The following RGS6 variants were observed in gnomAD, a reference collection of about 807,000 sequenced individuals.
RGS6 encodes the protein regulator of G-protein signaling 6.
A neutral mutation model predicts 78.5 loss-of-function variants in RGS6; 30 were observed. The ratio of observed to expected loss-of-function variants is 0.38; its 90% confidence interval spans 0.29 to 0.52. The LOEUF (loss-of-function observed/expected upper bound fraction) is 0.52, where lower values mean the gene tolerates loss of function less well. RGS6 is among the 20% of genes least tolerant of loss of function. RGS6 has a pLI of 0.85. For missense variants in RGS6, 495 were observed against 609.7 expected, an observed-to-expected ratio of 0.81 and a Z score of 1.98; for synonymous variants, 206 against 206.0, an observed-to-expected ratio of 1.00 and a Z score of 0.00.
chr14:72,496,955 C>G (rs191265124), intron 13 of RGS6, among the ~76,000 whole-genome samples: 125 of 152,246 alleles, frequency 8.2e-4, no homozygotes, highest in African/African-American at 2.8e-3. Context: ...TAGCTACATA[C>G]TATCCCCTGG....
chr14:72,241,793 G>A (rs964331570), intron 2 of RGS6, among the ~76,000 whole-genome samples: 4 of 152,176 alleles, frequency 2.6e-5, no homozygotes, highest in African/African-American at 9.7e-5. Context: ...CATGAACATT[G>A]TTCAAGTTCT....
At position 72,286,623 on chromosome 14, in the gene RGS6, T is replaced by C. The variant is rs1332971500; in HGVS notation, c.85-65472T>C. 2.6e-5 allele frequency among the ~76,000 whole-genome samples: 4 copies of C among 152,216 alleles called. No homozygotes were observed. The East Asian group carries it at 7.7e-4, about 29-fold the overall frequency. Reference sequence around the variant, plus strand: ...GGTAGTATAGATATTTTAGCAATATTGTCTTCTAGTCCACAAACACAGGGT... The same window carrying C: ...GGTAGTATAGATATTTTAGCAATATCGTCTTCTAGTCCACAAACACAGGGT... On this transcript the variant is annotated intron_variant, in intron 2 of 17. Transcript: ENST00000553525.
At chr14:72,231,440 C>T (rs897991339) in intron 2 of RGS6, among the ~76,000 whole-genome samples, 2 of 152,042 alleles carry the variant, frequency 1.3e-5, no homozygotes, top group Non-Finnish European at 2.9e-5. Flanking sequence ...TGATTATGAG[C>T]CAGGAACTGT....
At chr14:72,390,627 T>A (rs1180776688) in intron 3 of RGS6, among the ~76,000 whole-genome samples, 1 of 152,216 alleles carries the variant, frequency 6.6e-6, no homozygotes, top group East Asian at 1.9e-4. Flanking sequence ...AAAATATTTA[T>A]GTGGGAAATG....
chr14:72,007,622 C>G (rs2084824569), intron 2 of RGS6, among the ~76,000 whole-genome samples: 1 of 152,010 alleles, frequency 6.6e-6, no homozygotes, highest in South Asian at 2.1e-4. Flanking sequence ...TATGTGCGGA[C>G]CAAGACAGTT....
In RGS6 at chr14:72,509,907, T is replaced by C. The variant is rs17180712; in HGVS notation, c.966-247T>C. On this transcript the variant is annotated intron_variant, in intron 13 of 17. Transcript: ENST00000553525. ...TCAATGGCATGGTAGACAGCAGCCA[T>C]TTGAAGGGCATGCCGGCAACCATCA... Among the ~76,000 whole-genome samples, 14,062 of 152,208 alleles carry C rather than the reference T, an allele frequency of 0.092. 788 individuals are homozygous for C. Among genetic ancestry groups the C allele is most frequent in the South Asian group, 0.16 (789 of 4,810 alleles).
intron 2 of RGS6, among the ~76,000 whole-genome samples, chr14:72,102,311 C>G (rs1273110427): frequency 6.6e-6 from 1 of 152,082 alleles, no homozygotes; most frequent in East Asian, 1.9e-4. Flanking sequence ...TACCAAAATA[C>G]ATTTACATAA....
chr14:72,470,893 A>G (rs1185432428), intron 8 of RGS6, among the ~76,000 whole-genome samples: 4 of 151,666 alleles, frequency 2.6e-5, no homozygotes, highest in Admixed American at 6.6e-5. Flanking sequence ...AAAAAAAAAA[A>G]AAAACAAGAT....
At chr14:72,134,587 T>C (rs2096398773) in intron 2 of RGS6, among the ~76,000 whole-genome samples, 1 of 152,182 alleles carries the variant, frequency 6.6e-6, no homozygotes, top group African/African-American at 2.4e-5. Flanking sequence ...ACAGAGCTAA[T>C]AGGAGAGAGA....
chr14:72,276,584 G>A (rs1465164325), intron 2 of RGS6, among the ~76,000 whole-genome samples: 1 of 152,152 alleles, frequency 6.6e-6, no homozygotes, highest in Non-Finnish European at 1.5e-5. Flanking sequence ...GGAGGGACCT[G>A]GTGGGAGATA....
At chr14:72,058,137 T>C (rs1321332092) in intron 2 of RGS6, among the ~76,000 whole-genome samples, 1 of 152,058 alleles carries the variant, frequency 6.6e-6, no homozygotes, top group African/African-American at 2.4e-5. Context: ...GGCATTGGCT[T>C]GCAGAAGGTG....
At chr14:71,878,485 G>T in the RGS6 span, among the ~76,000 whole-genome samples, 91 of 152,344 alleles carry the variant, frequency 6.0e-4, no homozygotes, top group South Asian at 2.9e-3. Flanking sequence ...CTCCAAGCCA[G>T]GCACGGGATA....
At chr14:72,161,181 A>G (rs1050740542) in intron 2 of RGS6, among the ~76,000 whole-genome samples, 1 of 152,208 alleles carries the variant, frequency 6.6e-6, no homozygotes, top group African/African-American at 2.4e-5. Flanking sequence ...CATAAGTTGA[A>G]CAATGAGAAC....
the RGS6 span, among the ~76,000 whole-genome samples, chr14:72,584,954 G>C: frequency 6.6e-6 from 1 of 152,274 alleles, no homozygotes; most frequent in Admixed American, 6.5e-5. Context: ...AGCAGGGCTA[G>C]AGGCCATAAT....
At chr14:72,069,880 A>G (rs1016777945) in intron 2 of RGS6, among the ~76,000 whole-genome samples, 38 of 152,286 alleles carry the variant, frequency 2.5e-4, no homozygotes, top group African/African-American at 8.4e-4. Flanking sequence ...GTGTTTATCT[A>G]CATTTATTCA....
At chr14:72,543,764 G>A (rs1218698804) in intron 17 of RGS6, among the ~76,000 whole-genome samples, 2 of 152,242 alleles carry the variant, frequency 1.3e-5, no homozygotes, top group African/African-American at 2.4e-5. Context: ...TCTTGAGACA[G>A]AGTCTCACTC....
chr14:72,225,810 C>G (rs560987996), intron 2 of RGS6, among the ~76,000 whole-genome samples: 1 of 152,300 alleles, frequency 6.6e-6, no homozygotes, highest in African/African-American at 2.4e-5. Context: ...TCTTAAATAT[C>G]TATTTCAATA....
intron 2 of RGS6, among the ~76,000 whole-genome samples, chr14:72,316,708 G>A (rs923756808): frequency 3.9e-5 from 6 of 152,196 alleles, no homozygotes; most frequent in African/African-American, 1.4e-4. Flanking sequence ...TAGGCTGCCT[G>A]CCATTGCATT....
chr14:71,995,509 C>T (rs72735954), intron 2 of RGS6, among the ~76,000 whole-genome samples: 161 of 152,296 alleles, frequency 1.1e-3, no homozygotes, highest in Non-Finnish European at 2.0e-3. Flanking sequence ...CCTGCTGTGT[C>T]GCTTACTGGC....
Sources: gnomAD v4.1 joint callset for allele counts (sites outside exome capture counted in the v4.1 genomes callset) on GRCh38, gnomAD v4.1.1 for gene constraint, MANE v1.5 for transcripts, NCBI Gene and HGNC (gene_info 2026-07-23, HGNC 2026-07-21) for gene names.